Variants in TMPRSS11F observed in about 807,000 individuals in gnomAD.
TMPRSS11F encodes the protein transmembrane protease serine 11F.
TMPRSS11F carries 47 observed loss-of-function variants against 60.2 expected under a neutral mutation model. The ratio of observed to expected loss-of-function variants is 0.78; its 90% CI spans 0.62 to 1.00. TMPRSS11F has a LOEUF of 1.00. Ranked by LOEUF, TMPRSS11F falls within the 50% of genes least tolerant of loss-of-function variation. The pLI is 0.00. For missense variants in TMPRSS11F, 519 were observed against 522.9 expected (o/e 0.99, Z 0.07); for synonymous variants, 166 against 167.3 (o/e 0.99, Z 0.06).
chr4:68,054,151 A>G, intron 9 of TMPRSS11F, 84 bp from the exon 10 acceptor site: 1 of 1,292,932 alleles, frequency 7.7e-7, no homozygotes, highest in Non-Finnish European at 1.1e-6. Context: ...CAGAGAAAAA[A>G]GGAAATTGGT....
At chr4:68,086,146 T>TA (rs1723806429) in intron 3 of TMPRSS11F, among the ~76,000 whole-genome samples, 1 of 151,940 alleles carries the variant, frequency 6.6e-6, no homozygotes, top group African/African-American at 2.4e-5. Context: ...CAAGCCTGAA[T>TA]AAATTAAAAA....
Position 68,072,226 on chromosome 4 carries a change from A to ATATATATATAT in TMPRSS11F, c.514+96_514+97insATATATATATA, listed in dbSNP as rs61224244. On this transcript the variant is annotated intron_variant, in intron 5 of 9. Coordinates refer to ENST00000356291, the MANE Select transcript of TMPRSS11F (RefSeq NM_207407.2). ...ATATATATATATATATCTTCCAAAA[A>ATATATATATAT]AAAAATATATATATATATATATATT... 393 of 79,450 alleles carry ATATATATATAT rather than the reference A, an allele frequency of 4.9e-3. 57 individuals carry two copies. Among genetic ancestry groups the ATATATATATAT allele is most frequent in the South Asian group, 0.027 (59 of 2,176 alleles). The allele number at this position is 79,450 out of a possible 1,614,324, so 4.9% of individuals were successfully genotyped here. A position where few individuals can be genotyped will look rare whatever the true frequency, so the allele number is the denominator to read the frequency against.
At chr4:68,072,220 C>CTATATATATATATATCTTA (rs1560396506) in intron 5 of TMPRSS11F, 103 bp downstream of exon 5, 2 of 29,602 alleles carry the variant, frequency 6.8e-5, no homozygotes, top group Admixed American at 4.3e-4. Context: ...TATATATCTT[C>CTATATATATATATATCTTA]CAAAAAAAAA....
intron 8 of TMPRSS11F, chr4:68,062,380 T>C: frequency 1.9e-6 from 1 of 516,664 alleles, no homozygotes; most frequent in Non-Finnish European, 3.8e-6. Flanking sequence ...TTTCTTCATT[T>C]ATCTCAGTAT....
chr4:68,083,176 C>A (rs948497550), intron 3 of TMPRSS11F, among the ~76,000 whole-genome samples: 12 of 152,308 alleles, frequency 7.9e-5, no homozygotes, highest in African/African-American at 2.9e-4. Flanking sequence ...ACCCCACAAC[C>A]TGCTCTGACT....
intron 1 of TMPRSS11F, among the ~76,000 whole-genome samples, chr4:68,115,183 A>T (rs1724490598): frequency 6.6e-6 from 1 of 151,078 alleles, no homozygotes; most frequent in Non-Finnish European, 1.5e-5. Flanking sequence ...CCTCGTCTTT[A>T]CTAAAAAATA....
intron 3 of TMPRSS11F, among the ~76,000 whole-genome samples, chr4:68,082,530 G>A (rs138310957): frequency 1.4e-4 from 21 of 152,310 alleles, no homozygotes; most frequent in Non-Finnish European, 2.5e-4. Context: ...CCCTCCCAAG[G>A]ATGCTACCTG....
intron 1 of TMPRSS11F, among the ~76,000 whole-genome samples, chr4:68,115,781 A>C (rs980319356): frequency 5.3e-5 from 8 of 152,220 alleles, no homozygotes; most frequent in Admixed American, 2.6e-4. Flanking sequence ...ACTGAAAACT[A>C]TGAAATAATT....
At chr4:68,071,157 A>T (rs1040688492) in intron 5 of TMPRSS11F, among the ~76,000 whole-genome samples, 8 of 152,186 alleles carry the variant, frequency 5.3e-5, no homozygotes, top group Non-Finnish European at 1.0e-4. Flanking sequence ...AGGAATTGAG[A>T]TTTCCACTTA....
intron 1 of TMPRSS11F, among the ~76,000 whole-genome samples, chr4:68,118,754 A>T (rs1045975317): frequency 6.6e-6 from 1 of 152,196 alleles, no homozygotes; most frequent in Non-Finnish European, 1.5e-5. Flanking sequence ...AAATGGTAAC[A>T]AAAATGAAAG....
chr4:68,083,539 C>A (rs191164552), intron 3 of TMPRSS11F, among the ~76,000 whole-genome samples: 1 of 152,190 alleles, frequency 6.6e-6, no homozygotes, highest in East Asian at 1.9e-4. Flanking sequence ...GAAACCCATG[C>A]AAGAATCTAG....
At chr4:68,076,304 G>GAAATTTATAGTCATTGAAAA (rs1344740149) in intron 3 of TMPRSS11F, among the ~76,000 whole-genome samples, 58 of 151,898 alleles carry the variant, frequency 3.8e-4, no homozygotes, top group African/African-American at 1.4e-3. Context: ...ATTGAAAACT[G>GAAATTTATAGTCATTGAAAA]TTATTAAAAT....
chr4:68,069,845 C>T lies in TMPRSS11F; in HGVS notation c.553+124G>A, dbSNP rs112094287. Reference sequence around the variant, plus strand: ...AAAAATAATAAAAAGACTAAGTGTTCGGTTTACAAAAATATAAAATGAGTC... The same window carrying T: ...AAAAATAATAAAAAGACTAAGTGTTTGGTTTACAAAAATATAAAATGAGTC... On this transcript the variant is annotated intron_variant, in intron 6 of 9. Transcript: ENST00000356291. The T allele has an allele frequency of 1.4e-3, 897 of 643,622 alleles. 5 individuals carry two copies. The African/African-American group carries it at 0.015, about 11-fold the overall frequency. The allele number at this position is 643,622 out of a possible 1,614,324, so 39.9% of individuals were successfully genotyped here. A position where few individuals can be genotyped will look rare whatever the true frequency, so the allele number is the denominator to read the frequency against.
intron 1 of TMPRSS11F, among the ~76,000 whole-genome samples, chr4:68,105,709 T>C (rs1033106361): frequency 1.3e-5 from 2 of 152,240 alleles, no homozygotes; most frequent in Non-Finnish European, 2.9e-5. Flanking sequence ...CTGTATTTTC[T>C]CCAGAGTAAT....
intron 1 of TMPRSS11F, among the ~76,000 whole-genome samples, chr4:68,117,868 G>A (rs1724558274): frequency 6.6e-6 from 1 of 152,150 alleles, no homozygotes; most frequent in Non-Finnish European, 1.5e-5. Context: ...ATTCAAAAAT[G>A]GACATGCAGT....
chr4:68,072,501 A>G lies in TMPRSS11F; in HGVS notation c.351-15T>C. The G allele has an allele frequency of 1.4e-6, 2 of 1,470,348 alleles. No individual in the cohort carries two copies. Among genetic ancestry groups the G allele is most frequent in the Non-Finnish European group, 1.8e-6 (2 of 1,103,866 alleles). 91.1% of individuals were successfully genotyped at this position (1,470,348 alleles called of 1,614,324 possible). On this transcript the variant is annotated splice_polypyrimidine_tract_variant and intron_variant, in intron 4 of 9. Transcript: ENST00000356291. The stretch of plus-strand genomic sequence containing the variant: ...GTTCATCTGGACTGAAGAACAAAAA[A>G]GCAGATAAAAATGGCATTTATCTAA...
intron 3 of TMPRSS11F, among the ~76,000 whole-genome samples, chr4:68,083,423 C>T (rs996859944): frequency 4.6e-5 from 7 of 152,172 alleles, no homozygotes; most frequent in African/African-American, 1.7e-4. Context: ...TACACAAGAG[C>T]AGGGCAGCTA....
chr4:68,064,722 A>G lies in TMPRSS11F; in HGVS notation c.978T>C (p.Ser326=), dbSNP rs1560393495. 2 of 1,614,158 alleles carry G rather than the reference A, an allele frequency of 1.2e-6. No individual in the cohort carries two copies. The highest frequency in any genetic ancestry group is 2.2e-5 in the East Asian group (1 of 44,872). ...TGGATCCAAATCCTGTGACGAACAC[A>G]CTTGTTTTAGGTGGCAACTTTATAG... The part of the protein sequence containing the change: ...DSSIKLPPKT[S]VFVTGFGSIV... Residue 326 remains serine (S), a synonymous_variant, in exon 8 of 10, where the codon AGT becomes AGC. Transcript: ENST00000356291.
At chr4:68,080,012 G>C (rs1577919575) in intron 3 of TMPRSS11F, 1 of 152,324 alleles carries the variant, frequency 6.6e-6, no homozygotes, top group East Asian at 1.9e-4. Flanking sequence ...GTTCACCCAT[G>C]AAAATAATCA....
Sources: allele counts gnomAD v4.1 joint callset (sites outside exome capture counted in the v4.1 genomes callset), GRCh38; gene constraint gnomAD v4.1.1; transcripts MANE v1.5; gene names NCBI Gene and HGNC (gene_info 2026-07-23, HGNC 2026-07-21).